Variants in LRRN1 observed in about 807,000 individuals in gnomAD.
LRRN1 encodes leucine rich repeat neuronal 1.
A neutral mutation model predicts 45.8 loss-of-function variants in LRRN1; 14 were observed. That is an observed-to-expected ratio of 0.31 (90% CI 0.20 to 0.48). LRRN1 has a LOEUF of 0.48. Ranked by LOEUF, LRRN1 falls within the 20% of genes least tolerant of loss-of-function variation. LRRN1 has a pLI of 0.99. For missense variants in LRRN1, 789 were observed against 874.2 expected, an observed-to-expected ratio of 0.90 and a Z score of 1.23; for synonymous variants, 359 against 330.1, an observed-to-expected ratio of 1.09 and a Z score of -0.95.
intron 1 of LRRN1, among the ~76,000 whole-genome samples, chr3:3,844,042 C>A (rs1236043805): frequency 6.6e-6 from 1 of 151,456 alleles, no homozygotes; most frequent in Non-Finnish European, 1.5e-5. Context: ...TGAGTGTGTG[C>A]ATTTGTGTGT....
chr3:3,834,525 G>GAC lies in LRRN1; in HGVS notation c.-278-9838_-278-9837insCA, dbSNP rs750534210. ...GCGTTCTCTTAGAGGGACAGAACAG[G>GAC]ATATATATATATATATATATATATA... On this transcript the variant is annotated intron_variant, in intron 1 of 1. Coordinates refer to ENST00000319331, the MANE Select transcript of LRRN1 (RefSeq NM_020873.7). Among the ~76,000 whole-genome samples, 124 of 27,320 alleles carry GAC rather than the reference G, an allele frequency of 4.5e-3. 13 individuals are homozygous for GAC. In the East Asian group the frequency reaches 0.054, roughly 12 times the overall value. 17.9% of individuals were successfully genotyped at this position (27,320 alleles called of 152,430 possible).
chr3:3,813,815 T>C (rs1692931611), intron 1 of LRRN1, among the ~76,000 whole-genome samples: 1 of 152,118 alleles, frequency 6.6e-6, no homozygotes, highest in Admixed American at 6.5e-5. Flanking sequence ...CCCCTGCCTA[T>C]TGACCCAGCA....
intron 1 of LRRN1, among the ~76,000 whole-genome samples, chr3:3,822,521 G>A (rs894525300): frequency 1.3e-5 from 2 of 152,106 alleles, no homozygotes; most frequent in African/African-American, 2.4e-5. Context: ...TTTCTTTGGT[G>A]AAGGATTTAA....
chr3:3,828,392 CT>C (rs1216657042), intron 1 of LRRN1, among the ~76,000 whole-genome samples: 7 of 149,738 alleles, frequency 4.7e-5, no homozygotes, highest in Admixed American at 6.7e-5. Context: ...TTCTGCCTGC[CT>C]TTTTTTTTGC....
chr3:3,823,760 G>A (rs1693157504), intron 1 of LRRN1, among the ~76,000 whole-genome samples: 1 of 151,892 alleles, frequency 6.6e-6, no homozygotes, highest in Admixed American at 6.6e-5. Context: ...TCTTGAGACT[G>A]TGCCTTTCTT....
At chr3:3,803,282 G>A (rs1383400808) in intron 1 of LRRN1, among the ~76,000 whole-genome samples, 2 of 152,152 alleles carry the variant, frequency 1.3e-5, no homozygotes, top group African/African-American at 2.4e-5. Flanking sequence ...TACTTCCCAA[G>A]CCAGTGGAAT....
In LRRN1 at chr3:3,837,480, C is replaced by A. The variant is rs76925206; in HGVS notation, c.-278-6884C>A. ...TTCCTGCCACCCTCTTAAAAAATGA[C>A]TCAGCCTGCTGGTTGGTCCATTTTC... On this transcript the variant is annotated intron_variant, in intron 1 of 1. Transcript: ENST00000319331. Among the ~76,000 whole-genome samples the A allele has an allele frequency of 4.0e-3, 605 of 152,252 alleles. 6 individuals carry two copies. The highest frequency in any genetic ancestry group is 0.014 in the African/African-American group (574 of 41,546).
chr3:3,847,813 C>T lies in LRRN1; in HGVS notation c.*1021C>T, dbSNP rs1033932793. Reference sequence around the variant, plus strand: ...TAAGATATTTTAATGAACAGGATTTCTGTATTTTAAATAGTACTGACTAGC... The same window carrying T: ...TAAGATATTTTAATGAACAGGATTTTTGTATTTTAAATAGTACTGACTAGC... On this transcript the variant is annotated 3_prime_UTR_variant, in exon 2 of 2. Transcript: ENST00000319331. 6.0e-6 allele frequency: 1 copy of T among 165,914 alleles called. No homozygotes were observed. The highest frequency in any genetic ancestry group is 2.4e-5 in the African/African-American group (1 of 41,378). The allele number at this position is 165,914 out of a possible 1,614,324, so 10.3% of individuals were successfully genotyped here. A position where few individuals can be genotyped will look rare whatever the true frequency, so the allele number is the denominator to read the frequency against.
rs567629847 is a variant in LRRN1, at chr3:3,841,161, C to T, written c.-278-3203C>T. 9.9e-5 allele frequency among the ~76,000 whole-genome samples: 15 copies of T among 151,960 alleles called. No homozygotes were observed. In the South Asian group the frequency reaches 2.3e-3, roughly 23 times the overall value. On this transcript the variant is annotated intron_variant, in intron 1 of 1. Transcript: ENST00000319331. ...GAAAATACAATTAGGTGTGGTGGCA[C>T]GTGCCTGTAGTCCCAGCTACTCACA...
intron 1 of LRRN1, among the ~76,000 whole-genome samples, chr3:3,838,048 TTGCAAAG>T (rs1693563613): frequency 6.6e-6 from 1 of 152,122 alleles, no homozygotes; most frequent in Non-Finnish European, 1.5e-5. Flanking sequence ...ATCCATGTCC[TTGCAAAG>T]GACATGATCT....
At chr3:3,817,373 T>C (rs1210545572) in intron 1 of LRRN1, among the ~76,000 whole-genome samples, 1 of 152,214 alleles carries the variant, frequency 6.6e-6, no homozygotes, top group African/African-American at 2.4e-5. Flanking sequence ...ACTTTGCTTC[T>C]TTAAAAAAAG....
intron 1 of LRRN1, among the ~76,000 whole-genome samples, chr3:3,834,700 C>T (rs776696040): frequency 2.7e-5 from 4 of 150,716 alleles, no homozygotes; most frequent in Admixed American, 1.3e-4. Flanking sequence ...CAAGGAGAAC[C>T]AGTCTGAGTC....
At chr3:3,819,338 G>A (rs552922838) in intron 1 of LRRN1, among the ~76,000 whole-genome samples, 6 of 152,258 alleles carry the variant, frequency 3.9e-5, no homozygotes, top group Admixed American at 2.0e-4. Flanking sequence ...TAGGGCTGCC[G>A]TGGCAATGTA....
rs1320448010 is a variant in LRRN1 at position 3,844,610 on chromosome 3, T to C, written c.-32T>C. The C allele has an allele frequency of 6.5e-7, 1 of 1,541,148 alleles. No homozygotes were observed. Among genetic ancestry groups the C allele is most frequent in the Admixed American group, 1.8e-5 (1 of 55,166 alleles). On this transcript the variant is annotated 5_prime_UTR_variant, in exon 2 of 2. Coordinates refer to ENST00000319331, the MANE Select transcript of LRRN1 (RefSeq NM_020873.7). The stretch of plus-strand genomic sequence containing the variant: ...TTCACGTTTTGTTAAAACTTTGGGG[T>C]GTCAGGAGTTGAGCTTGCTCAGCAA...
chr3:3,844,528 G>T lies in LRRN1; in HGVS notation c.-114G>T. On this transcript the variant is annotated 5_prime_UTR_variant, in exon 2 of 2. Coordinates refer to ENST00000319331, the MANE Select transcript of LRRN1 (RefSeq NM_020873.7). ...CTGGAATTCTACACAGCTCAACCAA[G>T]ACTTTGCTTGAATGTTTACATTTTC... 1 of 819,428 alleles carries T rather than the reference G, an allele frequency of 1.2e-6. No individual in the cohort carries two copies. The highest frequency in any genetic ancestry group is 1.9e-6 in the Non-Finnish European group (1 of 523,076). The allele number at this position is 819,428 out of a possible 1,614,324, so 50.8% of individuals were successfully genotyped here.
rs1693842287 is a variant in LRRN1 at position 3,849,281 on chromosome 3, T to G, written c.*2489T>G. Among the ~76,000 whole-genome samples, 1 of 152,004 alleles carries G rather than the reference T, an allele frequency of 6.6e-6. No individual in the cohort carries two copies. The highest frequency in any genetic ancestry group is 1.5e-5 in the Non-Finnish European group (1 of 67,876). ...AAGATATAGCAAGCACCGGGAAATC[T>G]AAGATTTTTCATCAACAATATCTTC... is the stretch of plus-strand genomic sequence containing the variant. On this transcript the variant is annotated 3_prime_UTR_variant, in exon 2 of 2. Coordinates refer to ENST00000319331, the MANE Select transcript of LRRN1 (RefSeq NM_020873.7).
chr3:3,844,906 G>A lies in LRRN1; in HGVS notation c.265G>A (p.Asp89Asn). ...LQSNNIAKTVDELQQLFNLTE... is the reference protein window; with the variant it reads ...LQSNNIAKTVNELQQLFNLTE... ...GAGCAATAACATCGCAAAGACTGTG[G>A]ATGAGCTGCAGCAGCTTTTCAACTT... Residue 89 changes from aspartate (D) to asparagine (N), a missense_variant, in exon 2 of 2, where the codon GAT becomes AAT. Asp to Asn is a conservative substitution (Grantham distance 23). Coordinates refer to ENST00000319331, the MANE Select transcript of LRRN1 (RefSeq NM_020873.7). 1.2e-6 allele frequency: 2 copies of A among 1,614,128 alleles called. No homozygotes were observed. The highest frequency in any genetic ancestry group is 1.7e-6 in the Non-Finnish European group (2 of 1,180,018).
intron 1 of LRRN1, among the ~76,000 whole-genome samples, chr3:3,837,042 C>T (rs774983141): frequency 2.6e-5 from 4 of 152,122 alleles, no homozygotes; most frequent in South Asian, 2.1e-4. Context: ...TGAGAACATC[C>T]GCCTTGAGAA....
rs1185299563 is a variant in LRRN1 at position 3,845,754 on chromosome 3, T to C, written c.1113T>C (p.Asn371=). ...TGCGTGAGATCAGTATCCATAGCAATCCCCTCAGGTGTGACTGTGTGATCC... is the reference window on the plus strand; with the variant it reads ...TGCGTGAGATCAGTATCCATAGCAACCCCCTCAGGTGTGACTGTGTGATCC... ...PNLREISIHS[N]PLRCDCVIHW... is the part of the protein sequence containing the mutation. Residue 371 remains asparagine, a synonymous_variant, in exon 2 of 2, where the codon AAT becomes AAC. Coordinates refer to ENST00000319331, the MANE Select transcript of LRRN1 (RefSeq NM_020873.7). The surrounding 1 kb of genome is among the most constrained non-coding windows in gnomAD (Gnocchi z 6.5). 6.2e-7 allele frequency: 1 copy of C among 1,614,072 alleles called. No individual in the cohort carries two copies. The highest frequency in any genetic ancestry group is 1.7e-5 in the Admixed American group (1 of 60,016).
Sources: gnomAD v4.1 joint callset for allele counts (sites outside exome capture counted in the v4.1 genomes callset) on GRCh38, gnomAD v4.1.1 for gene constraint, Gnocchi (gnomAD v3.1) non-coding constraint, MANE v1.5 for transcripts, NCBI Gene and HGNC (gene_info 2026-07-23, HGNC 2026-07-21) for gene names.